The following UBE3A variants were observed in gnomAD, a reference collection of about 807,000 sequenced individuals.
UBE3A encodes ubiquitin-protein ligase E3A.
In UBE3A, 6 loss-of-function variants were observed where a neutral mutation model predicts 83.4. That is an observed-to-expected ratio of 0.07 (90% CI 0.04 to 0.14). The LOEUF (loss-of-function observed/expected upper bound fraction) is 0.14. Among genes scored for constraint, UBE3A ranks in the 10% least tolerant of loss-of-function variants. The pLI, the probability that UBE3A is intolerant of heterozygous loss-of-function variation, is 1.00. For synonymous variants in UBE3A, 337 were observed against 355.4 expected, an observed-to-expected ratio of 0.95 and a Z score of 0.58; for missense variants, 456 against 1,036.1, an observed-to-expected ratio of 0.44 and a Z score of 7.69.
chr15:25,407,856 A>C (rs986710626), intron 3 of UBE3A: 2 of 152,174 alleles, frequency 1.3e-5, no homozygotes, highest in Non-Finnish European at 2.9e-5. Flanking sequence ...TGTCTGAATG[A>C]ATTTCTACTC....
At chr15:25,411,464 C>T (rs2089980032) in intron 2 of UBE3A, among the ~76,000 whole-genome samples, 1 of 152,168 alleles carries the variant, frequency 6.6e-6, no homozygotes, top group Admixed American at 6.5e-5. Flanking sequence ...GTGGCACACG[C>T]CTGTAATCCC....
chr15:25,377,785 A>G lies in UBE3A; in HGVS notation c.63-2022T>C, dbSNP rs192076483. On this transcript the variant is annotated intron_variant, in intron 4 of 12. Transcript: ENST00000648336. ...CTGAAAAAAACATGTCTAATAAAAG[A>G]TTACTTAAATGAACTGATAATAGGT... Among the ~76,000 whole-genome samples, 28 of 152,324 alleles carry G rather than the reference A, an allele frequency of 1.8e-4. 1 individual carries two copies. The highest frequency in any genetic ancestry group is 1.7e-3 in the Admixed American group (26 of 15,304).
chr15:25,435,387 T>C (rs1894770468), intron 1 of UBE3A, among the ~76,000 whole-genome samples: 1 of 152,170 alleles, frequency 6.6e-6, no homozygotes, highest in Non-Finnish European at 1.5e-5. Flanking sequence ...TAGTTGATCA[T>C]TTACTGATTT....
At chr15:25,436,219 T>C (rs796347683) in intron 1 of UBE3A, among the ~76,000 whole-genome samples, 27 of 152,312 alleles carry the variant, frequency 1.8e-4, no homozygotes, top group African/African-American at 6.5e-4. Context: ...CACCTAAGAC[T>C]TCATCCAGTA....
chr15:25,350,869 C>T (rs1266250256), intron 11 of UBE3A, among the ~76,000 whole-genome samples: 1 of 152,176 alleles, frequency 6.6e-6, no homozygotes, highest in East Asian at 1.9e-4. Context: ...AAGTAAGCTA[C>T]AGTGACAGTA....
chr15:25,356,866 A>G lies in UBE3A; in HGVS notation c.1784T>C (p.Leu595Ser). 6.2e-7 allele frequency: 1 copy of G among 1,613,746 alleles called. No homozygotes were observed. Among genetic ancestry groups the G allele is most frequent in the Non-Finnish European group, 8.5e-7 (1 of 1,179,786 alleles). ...AAAAGAAGATGGATTAAACCAAAAC[A>G]ATTTTGTAGATTCATCGTATGTGAA... Reference protein sequence around the residue: ...GMFTYDESTKLFWFNPSSFET... With the variant: ...GMFTYDESTKSFWFNPSSFET... The change falls in exon 8 of 13, where the codon TTG becomes TCG. Residue 595 changes from leucine to serine, a missense_variant. Around this residue, in one of 13 missense-constraint regions of UBE3A, gnomAD observed 58 missense variants for 237.1 expected, o/e 0.24. Transcript: ENST00000648336.
At chr15:25,386,771 CAAGAAA>C (rs2083231990) in intron 4 of UBE3A, among the ~76,000 whole-genome samples, 1 of 151,506 alleles carries the variant, frequency 6.6e-6, no homozygotes, top group African/African-American at 2.4e-5. Flanking sequence ...TGACTTCCAA[CAAGAAA>C]AAGAGTGAAA....
At position 25,339,159 on chromosome 15, in the gene UBE3A, G is replaced by T; in HGVS notation, c.2597C>A (p.Ala866Asp). Reference sequence around the variant, plus strand: ...GTTTTACAGCATGCCAAATCCTTTGGCATACGTGATGGCCTTCAACAATCT... The same window carrying T: ...GTTTTACAGCATGCCAAATCCTTTGTCATACGTGATGGCCTTCAACAATCT... The part of the protein sequence containing the change: ...KERLLKAITY[A>D]KGFGML Residue 866 changes from alanine to aspartate, a missense_variant, in exon 13 of 13, where the codon GCC becomes GAC. By Grantham distance (126) the Ala-to-Asp change is moderately radical. This residue lies in a region of UBE3A where 8 missense variants were observed against 23.2 expected (regional missense o/e 0.34). Transcript: ENST00000648336. 1 of 1,603,654 alleles carries T rather than the reference G, an allele frequency of 6.2e-7. No homozygotes were observed. Among genetic ancestry groups the T allele is most frequent in the Non-Finnish European group, 8.5e-7 (1 of 1,175,620 alleles).
chr15:25,362,504 T>C (rs538567661), intron 6 of UBE3A, among the ~76,000 whole-genome samples: 1 of 152,298 alleles, frequency 6.6e-6, no homozygotes, highest in East Asian at 1.9e-4. Flanking sequence ...ATTAAGAATA[T>C]ATGAGAACGA....
intron 6 of UBE3A, among the ~76,000 whole-genome samples, chr15:25,366,066 T>C (rs1311127320): frequency 2.0e-5 from 3 of 152,226 alleles, no homozygotes; most frequent in South Asian, 4.1e-4. Flanking sequence ...TGATGTTTCA[T>C]TGTCTTAAAT....
intron 4 of UBE3A, among the ~76,000 whole-genome samples, chr15:25,393,491 T>C (rs190230605): frequency 6.6e-6 from 1 of 152,304 alleles, no homozygotes; most frequent in East Asian, 1.9e-4. Flanking sequence ...TTAATCTCTT[T>C]TGGGTTTGAT....
intron 4 of UBE3A, chr15:25,391,823 A>C (rs986356836): frequency 6.6e-6 from 1 of 152,264 alleles, no homozygotes; most frequent in Non-Finnish European, 1.5e-5. Flanking sequence ...TTTTGGGGTA[A>C]AACAGTTTTG....
chr15:25,378,677 T>C (rs1182421295), intron 4 of UBE3A, among the ~76,000 whole-genome samples: 1 of 152,096 alleles, frequency 6.6e-6, no homozygotes, highest in Non-Finnish European at 1.5e-5. Context: ...TCTAAGTCAT[T>C]TTGACTATAT....
chr15:25,403,242 A>T (rs1393669910), intron 4 of UBE3A, among the ~76,000 whole-genome samples: 1 of 152,218 alleles, frequency 6.6e-6, no homozygotes, highest in Non-Finnish European at 1.5e-5. Context: ...CAGCCAGTCA[A>T]GACTCTCAAC....
intron 11 of UBE3A, among the ~76,000 whole-genome samples, chr15:25,351,288 TAAAG>T (rs978882324): frequency 6.6e-6 from 1 of 152,020 alleles, no homozygotes; most frequent in Non-Finnish European, 1.5e-5. Flanking sequence ...TTACAGGTAA[TAAAG>T]GAAGGAGGAA....
chr15:25,426,282 C>T (rs559146744), intron 1 of UBE3A, among the ~76,000 whole-genome samples: 1 of 152,222 alleles, frequency 6.6e-6, no homozygotes, highest in African/African-American at 2.4e-5. Flanking sequence ...TAAAGCATTC[C>T]TACTGGTCAA....
At chr15:25,352,384 A>G (rs1481992091) in intron 11 of UBE3A, among the ~76,000 whole-genome samples, 1 of 152,210 alleles carries the variant, frequency 6.6e-6, no homozygotes, top group African/African-American at 2.4e-5. Flanking sequence ...TCAGTTTCAG[A>G]CCATGGCAAA....
Position 25,438,753 on chromosome 15 carries a change from G to A in UBE3A, c.-429C>T, listed in dbSNP as rs1895938770. The A allele has an allele frequency of 6.6e-6, 1 of 152,474 alleles. No homozygotes were observed. Among genetic ancestry groups the A allele is most frequent in the African/African-American group, 2.4e-5 (1 of 41,468 alleles). The allele number at this position is 152,474 out of a possible 1,614,324, so 9.4% of individuals were successfully genotyped here. A position where few individuals can be genotyped will look rare whatever the true frequency, so the allele number is the denominator to read the frequency against. On this transcript the variant is annotated 5_prime_UTR_variant, in exon 1 of 13. Transcript: ENST00000648336. ...CCTCCTGCCAGGGGCTACAGGCCGC[G>A]AGCTATTCCGAGGAGGAGCCGAAGG...
At chr15:25,349,645 A>G (rs1839620421) in intron 11 of UBE3A, among the ~76,000 whole-genome samples, 1 of 152,170 alleles carries the variant, frequency 6.6e-6, no homozygotes, top group South Asian at 2.1e-4. Flanking sequence ...CATAGATACA[A>G]TACTCATTTT....
Sources: gnomAD v4.1 joint callset for allele counts (sites outside exome capture counted in the v4.1 genomes callset) on GRCh38, gnomAD v4.1.1 for gene constraint, gnomAD v4.1.1 regional missense constraint, MANE v1.5 for transcripts, NCBI Gene and HGNC (gene_info 2026-07-23, HGNC 2026-07-21) for gene names.